Variants in C15orf40 observed in about 807,000 individuals in gnomAD.
The protein encoded by C15orf40 is UPF0235 protein C15orf40.
A neutral mutation model predicts 13.9 loss-of-function variants in C15orf40; 9 were observed. The ratio of observed to expected loss-of-function variants is 0.65; its 90% CI spans 0.39 to 1.13. The LOEUF is 1.13. C15orf40 is among the 50% of genes most tolerant of loss of function. The probability of loss-of-function intolerance (pLI) is 0.01; values close to 1 mark genes in which losing one functional copy is unlikely to be tolerated. For missense variants in C15orf40, 225 were observed against 188.5 expected, an observed-to-expected ratio of 1.19 and a Z score of -1.13; for synonymous variants, 95 against 69.2, an observed-to-expected ratio of 1.37 and a Z score of -1.85.
At position 83,002,681 on chromosome 15, in the gene C15orf40, C is replaced by T. The variant is rs1309350369; in HGVS notation, c.*2916G>A. 1 of 152,230 alleles carries T rather than the reference C, an allele frequency of 6.6e-6. No homozygotes were observed. Among genetic ancestry groups the T allele is most frequent in the Non-Finnish European group, 1.5e-5 (1 of 68,062 alleles). The allele number at this position is 152,230 out of a possible 1,614,324, so 9.4% of individuals were successfully genotyped here. On this transcript the variant is annotated 3_prime_UTR_variant, in exon 4 of 4. Coordinates refer to ENST00000304177, the MANE Select transcript of C15orf40 (RefSeq NM_144597.3). ...AGAGCTCCTAGGAGTGGCCTTTTCT[C>T]CTACTGCAGGGGTTGATACGTGAAT...
chr15:83,005,442 ATC>A lies in C15orf40; in HGVS notation c.*153_*154del. On this transcript the variant is annotated 3_prime_UTR_variant, in exon 4 of 4. Transcript: ENST00000304177. ...TGGGATTACAGGCATGCGCCATCAC[ATC>A]TGGCTAATTTTGTATTTTTCGTAGA... 3 of 711,358 alleles carry A rather than the reference ATC, an allele frequency of 4.2e-6. No homozygotes were observed. The South Asian group carries it at 6.1e-5, about 14-fold the overall frequency. 44.1% of individuals were successfully genotyped at this position (711,358 alleles called of 1,614,324 possible).
downstream of C15orf40, chr15:82,989,298 A>T (rs2030758194): frequency 1.5e-5 from 15 of 970,068 alleles, no homozygotes; most frequent in South Asian, 2.7e-4. Context: ...GGTATGGCAT[A>T]CCTAGTACCT....
intron 1 of C15orf40, 125 bp downstream of exon 1, chr15:83,011,372 C>A: frequency 1.7e-6 from 2 of 1,153,630 alleles, no homozygotes; most frequent in Non-Finnish European, 2.3e-6. Flanking sequence ...GTCCTGAGCC[C>A]CGGAACTGAG....
downstream of C15orf40, chr15:82,990,607 A>G (rs1280549761): frequency 6.9e-7 from 1 of 1,444,838 alleles, no homozygotes; most frequent in East Asian, 2.5e-5. Context: ...TCTATAGATG[A>G]GTCAGCTCCA....
chr15:82,993,100 CAT>C (rs752629817), downstream of C15orf40, among the ~76,000 whole-genome samples: 32 of 152,312 alleles, frequency 2.1e-4, no homozygotes, highest in Admixed American at 5.2e-4. Context: ...GTGCTTAAAA[CAT>C]ATGTGACCGT....
chr15:83,008,750 A>C, intron 2 of C15orf40, 75 bp from the exon 3 acceptor site: 2 of 1,476,384 alleles, frequency 1.4e-6, no homozygotes, highest in East Asian at 2.3e-5. Flanking sequence ...TTTGTAAAAG[A>C]GTTTTTGCAT....
Position 83,005,377 on chromosome 15 carries a change from C to A in C15orf40, c.*220G>T. The A allele has an allele frequency of 7.2e-6, 5 of 693,168 alleles. No individual in the cohort carries two copies. Among genetic ancestry groups the A allele is most frequent in the Non-Finnish European group, 9.4e-6 (5 of 532,340 alleles). 42.9% of individuals were successfully genotyped at this position (693,168 alleles called of 1,614,324 possible). On this transcript the variant is annotated 3_prime_UTR_variant, in exon 4 of 4. Coordinates refer to ENST00000304177, the MANE Select transcript of C15orf40 (RefSeq NM_144597.3). ...TCGGCTTACTGCAACCTCCGCCCCC[C>A]AGGTTCAAGTGATTCTCCTGCCTCA...
intron 1 of C15orf40, chr15:83,011,234 C>T (rs2031991194): frequency 2.5e-6 from 1 of 395,148 alleles, no homozygotes. Flanking sequence ...CAAAGGTCAG[C>T]ACACGCAGCC....
intron 3 of C15orf40, among the ~76,000 whole-genome samples, chr15:83,005,979 C>A (rs781308120): frequency 9.2e-5 from 14 of 152,128 alleles, no homozygotes; most frequent in Non-Finnish European, 1.9e-4. Context: ...CGCCTGTAAT[C>A]CCAGCACTTT....
chr15:82,991,909 A>G, downstream of C15orf40: 1 of 1,289,086 alleles, frequency 7.8e-7, no homozygotes, highest in Admixed American at 2.3e-5. Context: ...CTCTGAAAGC[A>G]GAAGTGTTAT....
At chr15:82,989,185 A>G (rs146259543), downstream of C15orf40, 56 of 1,612,320 alleles carry the variant, frequency 3.5e-5, no homozygotes, top group African/African-American at 4.3e-4. Context: ...AACAGAGGCA[A>G]TCGGTGTGTA....
At chr15:83,006,693 G>A (rs952385519) in intron 3 of C15orf40, among the ~76,000 whole-genome samples, 65 of 152,204 alleles carry the variant, frequency 4.3e-4, no homozygotes, top group Admixed American at 4.0e-3. Flanking sequence ...GGCGGGGCGC[G>A]GGGCGGATGT....
At chr15:83,010,415 T>C in intron 1 of C15orf40, 52 bp from the exon 2 acceptor site, 3 of 1,603,764 alleles carry the variant, frequency 1.9e-6, no homozygotes, top group Non-Finnish European at 2.6e-6. Flanking sequence ...TTCCCACACA[T>C]TTAATTTGAT....
Position 83,004,525 on chromosome 15 carries a change from C to A in C15orf40, c.*1072G>T, listed in dbSNP as rs551791638. On this transcript the variant is annotated 3_prime_UTR_variant, in exon 4 of 4. Transcript: ENST00000304177. ...AATTTCTGACAAGCTTTTACAAATACTGAAAATAGCTTCCAAGTCCTCTTT... is the reference window on the plus strand; with the variant it reads ...AATTTCTGACAAGCTTTTACAAATAATGAAAATAGCTTCCAAGTCCTCTTT... The A allele has an allele frequency of 1.2e-6, 1 of 804,018 alleles. No homozygotes were observed. The highest frequency in any genetic ancestry group is 1.5e-6 in the Non-Finnish European group (1 of 664,918). 49.8% of individuals were successfully genotyped at this position (804,018 alleles called of 1,614,324 possible). A position where few individuals can be genotyped will look rare whatever the true frequency, so the allele number is the denominator to read the frequency against.
At position 83,000,098 on chromosome 15, in the gene C15orf40, T is replaced by C. The variant is rs1008851145; in HGVS notation, c.*5499A>G. 6.6e-6 allele frequency: 1 copy of C among 152,194 alleles called. No homozygotes were observed. Among genetic ancestry groups the C allele is most frequent in the African/African-American group, 2.4e-5 (1 of 41,450 alleles). The allele number at this position is 152,194 out of a possible 1,614,324, so 9.4% of individuals were successfully genotyped here. A position where few individuals can be genotyped will look rare whatever the true frequency, so the allele number is the denominator to read the frequency against. ...ATAGCTCCCTTACCCTGGCCCCTAATTTCCCTGGCTCTGATTCCAGGCTCT... is the reference window on the plus strand; with the variant it reads ...ATAGCTCCCTTACCCTGGCCCCTAACTTCCCTGGCTCTGATTCCAGGCTCT... On this transcript the variant is annotated 3_prime_UTR_variant, in exon 4 of 4. Coordinates refer to ENST00000304177, the MANE Select transcript of C15orf40 (RefSeq NM_144597.3).
At position 82,999,386 on chromosome 15, in the gene C15orf40, G is replaced by A. The variant is rs1469127471; in HGVS notation, c.*6211C>T. ...TTTTTTAATTTTTTTTGGAGAAATG[G>A]GGTCTTACCACGTCGCCCAAGCTGG... On this transcript the variant is annotated 3_prime_UTR_variant, in exon 4 of 4. Coordinates refer to ENST00000304177, the MANE Select transcript of C15orf40 (RefSeq NM_144597.3). 1 of 151,874 alleles carries A rather than the reference G, an allele frequency of 6.6e-6. No homozygotes were observed. Among genetic ancestry groups the A allele is most frequent in the East Asian group, 1.9e-4 (1 of 5,176 alleles). 9.4% of individuals were successfully genotyped at this position (151,874 alleles called of 1,614,324 possible).
downstream of C15orf40, chr15:82,990,143 A>G: frequency 1.7e-6 from 1 of 571,496 alleles, no homozygotes; most frequent in Non-Finnish European, 2.7e-6. Context: ...TCTGTTGGTC[A>G]TAGTTTTACA....
chr15:83,002,906 T>C lies in C15orf40; in HGVS notation c.*2691A>G, dbSNP rs956521964. ...GCAACCTCTGCCTCCAGGGTCCCGG[T>C]TCACAAGCAATTCTCCTGCCTCAGC... On this transcript the variant is annotated 3_prime_UTR_variant, in exon 4 of 4. Transcript: ENST00000304177. 1 of 152,228 alleles carries C rather than the reference T, an allele frequency of 6.6e-6. No individual in the cohort carries two copies. The highest frequency in any genetic ancestry group is 1.5e-5 in the Non-Finnish European group (1 of 68,152). The allele number at this position is 152,228 out of a possible 1,614,324, so 9.4% of individuals were successfully genotyped here.
downstream of C15orf40, among the ~76,000 whole-genome samples, chr15:82,993,385 G>A (rs1308358417): frequency 4.6e-5 from 7 of 152,206 alleles, no homozygotes; most frequent in African/African-American, 9.7e-5. Context: ...GGCAGAAGAC[G>A]TTGAGAATTA....
Sources: gnomAD v4.1 joint callset for allele counts (sites outside exome capture counted in the v4.1 genomes callset) on GRCh38, gnomAD v4.1.1 for gene constraint, MANE v1.5 for transcripts, NCBI Gene and HGNC (gene_info 2026-07-23, HGNC 2026-07-21) for gene names.